LRP1B: variants seen among roughly 807,000 people sequenced by gnomAD.
The protein encoded by LRP1B is low-density lipoprotein receptor-related protein 1B.
Under a neutral mutation model 556.6 loss-of-function variants are expected in LRP1B, and 217 were observed. That is an observed-to-expected ratio of 0.39 (90% CI 0.35 to 0.44). The LOEUF is 0.44. Among genes scored for constraint, LRP1B ranks in the 20% least tolerant of loss-of-function variants. The pLI is 1.00. For missense variants in LRP1B, 5,053 were observed against 5,620.8 expected (o/e 0.90, Z 3.23); for synonymous variants, 2,047 against 1,865.8 (o/e 1.10, Z -2.50).
chr2:141,940,646 T>G (rs187267291), intron 1 of LRP1B, among the ~76,000 whole-genome samples: 195 of 152,312 alleles, frequency 1.3e-3, no homozygotes, highest in African/African-American at 4.5e-3. Context: ...TGAATATATG[T>G]GTATTTTTCC....
intron 3 of LRP1B, among the ~76,000 whole-genome samples, chr2:141,419,131 GT>G (rs1305676887): frequency 6.6e-6 from 1 of 151,928 alleles, no homozygotes; most frequent in Non-Finnish European, 1.5e-5. Flanking sequence ...AGGACTTTCA[GT>G]ACTGTATTTA....
At position 140,391,170 on chromosome 2, in the gene LRP1B, T is replaced by C. The variant is rs569192055; in HGVS notation, c.10415-5161A>G. On this transcript the variant is annotated intron_variant, in intron 66 of 90. Transcript: ENST00000389484. ...TTCAAATTGGAATATATTCATAACA[T>C]TGAATATTACCCAAGAATAAAAAAA... 6.6e-5 allele frequency among the ~76,000 whole-genome samples: 10 copies of C among 152,262 alleles called. No individual in the cohort carries two copies. The South Asian group carries it at 1.9e-3, about 28-fold the overall frequency.
intron 7 of LRP1B, among the ~76,000 whole-genome samples, chr2:141,074,824 G>T (rs1351699471): frequency 6.6e-6 from 1 of 151,878 alleles, no homozygotes; most frequent in African/African-American, 2.4e-5. Context: ...TTATATTTCA[G>T]GCCTAAATTA....
At chr2:141,507,070 A>C (rs1488623695) in intron 2 of LRP1B, among the ~76,000 whole-genome samples, 2 of 152,146 alleles carry the variant, frequency 1.3e-5, no homozygotes, top group African/African-American at 4.8e-5. Flanking sequence ...TGTTCATCGG[A>C]AGGGTTATTG....
At chr2:141,777,802 C>T (rs955351532) in intron 2 of LRP1B, among the ~76,000 whole-genome samples, 18 of 152,032 alleles carry the variant, frequency 1.2e-4, no homozygotes, top group Non-Finnish European at 1.5e-5. Context: ...TGAAACACAG[C>T]GCTTGACTAT....
At chr2:141,169,408 T>G (rs1680403725) in intron 7 of LRP1B, among the ~76,000 whole-genome samples, 1 of 151,920 alleles carries the variant, frequency 6.6e-6, no homozygotes, top group Admixed American at 6.6e-5. Flanking sequence ...TGGAATTTTG[T>G]GTTATCCCCC....
chr2:141,219,276 C>T (rs543281294), intron 6 of LRP1B, among the ~76,000 whole-genome samples: 2 of 152,156 alleles, frequency 1.3e-5, no homozygotes, highest in Non-Finnish European at 2.9e-5. Context: ...TTGGGGAGAT[C>T]GGGCAGTTTA....
At chr2:141,901,862 A>T (rs1558949917) in intron 1 of LRP1B, among the ~76,000 whole-genome samples, 1 of 151,874 alleles carries the variant, frequency 6.6e-6, no homozygotes, top group South Asian at 2.1e-4. Flanking sequence ...AATGATGTCA[A>T]CTTTTTTCTA....
intron 66 of LRP1B, among the ~76,000 whole-genome samples, chr2:140,403,219 A>G (rs1684584354): frequency 6.6e-6 from 1 of 152,188 alleles, no homozygotes; most frequent in Non-Finnish European, 1.5e-5. Context: ...TGATAACATG[A>G]TAAAACAAGG....
chr2:140,858,751 C>A (rs756301511), intron 27 of LRP1B, among the ~76,000 whole-genome samples: 1 of 152,022 alleles, frequency 6.6e-6, no homozygotes, highest in African/African-American at 2.4e-5. Flanking sequence ...CACCCCTCGA[C>A]AGGCCCCAGT....
intron 1 of LRP1B, among the ~76,000 whole-genome samples, chr2:142,081,860 T>A (rs1705731511): frequency 6.6e-6 from 1 of 152,212 alleles, no homozygotes; most frequent in Admixed American, 6.5e-5. Context: ...TTAATCCTTA[T>A]AACTATTTTG....
At chr2:141,065,437 T>C (rs919194079) in intron 7 of LRP1B, among the ~76,000 whole-genome samples, 4 of 151,994 alleles carry the variant, frequency 2.6e-5, no homozygotes, top group South Asian at 2.1e-4. Context: ...CAGAATCTAA[T>C]TGAACATGAT....
chr2:141,447,781 T>G (rs767734169), intron 3 of LRP1B, among the ~76,000 whole-genome samples: 1 of 152,172 alleles, frequency 6.6e-6, no homozygotes, highest in Non-Finnish European at 1.5e-5. Flanking sequence ...TTCCTTCCTC[T>G]GGAAGCTTTG....
chr2:141,203,750 A>G (rs1263541792), intron 6 of LRP1B, among the ~76,000 whole-genome samples: 3 of 152,268 alleles, frequency 2.0e-5, no homozygotes, highest in African/African-American at 7.2e-5. Context: ...ACCTCATCAC[A>G]CTTATTCTGA....
At chr2:142,102,732 G>A (rs1033120781) in intron 1 of LRP1B, among the ~76,000 whole-genome samples, 4 of 151,642 alleles carry the variant, frequency 2.6e-5, no homozygotes, top group African/African-American at 4.8e-5. Context: ...TAAAAAAATT[G>A]TCTCCCTAAA....
intron 2 of LRP1B, among the ~76,000 whole-genome samples, chr2:141,631,845 T>C (rs1558767008): frequency 6.6e-6 from 1 of 152,318 alleles, no homozygotes; most frequent in East Asian, 1.9e-4. Flanking sequence ...TTGAAATTTT[T>C]TTAACATTTA....
chr2:141,267,758 G>T (rs1232726283), intron 3 of LRP1B, among the ~76,000 whole-genome samples: 1 of 152,164 alleles, frequency 6.6e-6, no homozygotes, highest in Non-Finnish European at 1.5e-5. Context: ...CTTGAGGTAG[G>T]AGTGTAAGAA....
chr2:141,295,612 T>G (rs765783458), intron 3 of LRP1B, among the ~76,000 whole-genome samples: 1 of 152,118 alleles, frequency 6.6e-6, no homozygotes, highest in Non-Finnish European at 1.5e-5. Flanking sequence ...AGGCATGAGA[T>G]TCAGTAGGAC....
chr2:140,513,971 T>TA (rs1689773572), intron 51 of LRP1B, among the ~76,000 whole-genome samples: 1 of 151,982 alleles, frequency 6.6e-6, no homozygotes, highest in Non-Finnish European at 1.5e-5. Context: ...GAACAAATTT[T>TA]AAAGACTAGC....
Sources: gnomAD v4.1 joint callset for allele counts (sites outside exome capture counted in the v4.1 genomes callset) on GRCh38, gnomAD v4.1.1 for gene constraint, MANE v1.5 for transcripts, NCBI Gene and HGNC (gene_info 2026-07-23, HGNC 2026-07-21) for gene names.